LIMS1: variants seen among roughly 807,000 people sequenced by gnomAD.
The protein encoded by LIMS1 is LIM zinc finger domain containing 1.
Under a neutral mutation model 44.1 loss-of-function variants are expected in LIMS1, and 18 were observed. The observed-to-expected ratio is 0.41, with a 90% CI of 0.28 to 0.61. The LOEUF is 0.61. Ranked by LOEUF, LIMS1 falls within the 20% of genes least tolerant of loss-of-function variation. The probability of loss-of-function intolerance (pLI) is 0.32; values close to 1 mark genes in which losing one functional copy is unlikely to be tolerated. For missense variants in LIMS1, 201 were observed against 422.0 expected (o/e 0.48, Z 4.59); for synonymous variants, 93 against 149.1 (o/e 0.62, Z 2.74).
At chr2:108,584,629 C>G (rs577088979) in intron 1 of LIMS1, among the ~76,000 whole-genome samples, 30 of 152,086 alleles carry the variant, frequency 2.0e-4, no homozygotes, top group Non-Finnish European at 3.4e-4. Flanking sequence ...TAACGGGATC[C>G]CTGAGGAGGA....
intron 1 of LIMS1, among the ~76,000 whole-genome samples, chr2:108,564,806 A>G (rs945169492): frequency 1.3e-5 from 2 of 152,018 alleles, no homozygotes; most frequent in Non-Finnish European, 2.9e-5. Flanking sequence ...GGGTTGTCAA[A>G]GAGGGAAAGA....
intron 1 of LIMS1, among the ~76,000 whole-genome samples, chr2:108,553,053 C>A (rs1015751786): frequency 6.6e-6 from 1 of 152,172 alleles, no homozygotes; most frequent in Non-Finnish European, 1.5e-5. Context: ...CATGAGAAAT[C>A]ACTGTGGACA....
chr2:108,626,324 G>A (rs1453908094), intron 1 of LIMS1, among the ~76,000 whole-genome samples: 2 of 152,124 alleles, frequency 1.3e-5, no homozygotes, highest in African/African-American at 2.4e-5. Flanking sequence ...GGTTCAGTGA[G>A]GGTACATTTA....
chr2:108,540,433 T>C (rs1684280885), intron 1 of LIMS1, among the ~76,000 whole-genome samples: 1 of 152,060 alleles, frequency 6.6e-6, no homozygotes, highest in Admixed American at 6.6e-5. Context: ...CTCCTGACCT[T>C]GTGATCTGCC....
intron 1 of LIMS1, among the ~76,000 whole-genome samples, chr2:108,573,171 T>C (rs1321722785): frequency 2.0e-5 from 3 of 152,258 alleles, no homozygotes; most frequent in African/African-American, 4.8e-5. Flanking sequence ...CTATGTCACA[T>C]TGGTAAGTTT....
intron 1 of LIMS1, among the ~76,000 whole-genome samples, chr2:108,617,076 C>T (rs1235264932): frequency 6.6e-6 from 1 of 152,142 alleles, no homozygotes; most frequent in Non-Finnish European, 1.5e-5. Flanking sequence ...TGTACAGCTG[C>T]TCAACCAGTT....
intron 1 of LIMS1, among the ~76,000 whole-genome samples, chr2:108,619,333 C>G (rs1688104967): frequency 6.6e-6 from 1 of 150,934 alleles, no homozygotes; most frequent in Non-Finnish European, 1.5e-5. Context: ...TGGGGGAAAA[C>G]AAGGAAGATT....
exon 10 of LIMS1, chr2:108,686,445 C>T (rs1693309254): frequency 6.6e-6 from 1 of 151,670 alleles, no homozygotes; most frequent in South Asian, 2.1e-4. Flanking sequence ...ATCATTGGAG[C>T]CCTTAGGTAT....
chr2:108,643,755 T>C (rs1689871299), intron 1 of LIMS1, among the ~76,000 whole-genome samples: 1 of 152,158 alleles, frequency 6.6e-6, no homozygotes, highest in Admixed American at 6.5e-5. Flanking sequence ...CCAAACAAGC[T>C]AAGATCCACT....
chr2:108,544,552 A>G (rs1003970352), intron 1 of LIMS1, among the ~76,000 whole-genome samples: 3 of 152,130 alleles, frequency 2.0e-5, no homozygotes, highest in African/African-American at 7.2e-5. Flanking sequence ...GCTGGAGTAC[A>G]CTGGTGCTCT....
At chr2:108,577,082 T>C (rs997463374) in intron 1 of LIMS1, among the ~76,000 whole-genome samples, 4 of 152,206 alleles carry the variant, frequency 2.6e-5, no homozygotes, top group Non-Finnish European at 4.4e-5. Context: ...GAACTGTGAG[T>C]GCACTCAACA....
intron 1 of LIMS1, among the ~76,000 whole-genome samples, chr2:108,535,021 A>G (rs1009875600): frequency 3.9e-5 from 6 of 152,238 alleles, no homozygotes; most frequent in African/African-American, 9.6e-5. Context: ...TGAAGTTACT[A>G]TTAACTCATT....
chr2:108,559,142 C>T (rs1195467189), intron 1 of LIMS1, among the ~76,000 whole-genome samples: 1 of 152,126 alleles, frequency 6.6e-6, no homozygotes, highest in African/African-American at 2.4e-5. Flanking sequence ...AATTTATATA[C>T]CCTTAGACAC....
At chr2:108,567,471 A>G (rs1332579348) in intron 1 of LIMS1, among the ~76,000 whole-genome samples, 1 of 152,226 alleles carries the variant, frequency 6.6e-6, no homozygotes, top group Non-Finnish European at 1.5e-5. Flanking sequence ...AAATTTGTAA[A>G]GTATATGATC....
At chr2:108,683,932 A>G in exon 10 of LIMS1, 2 of 1,605,298 alleles carry the variant, frequency 1.2e-6, no homozygotes, top group Non-Finnish European at 1.7e-6. Flanking sequence ...AAGAAGTGCT[A>G]TGAGAAATTT....
At chr2:108,662,180 A>G (rs759859917) in intron 2 of LIMS1, 2 of 1,611,986 alleles carry the variant, frequency 1.2e-6, no homozygotes, top group Non-Finnish European at 1.7e-6. Flanking sequence ...AGCACCCTGT[A>G]GCTCCAGCCC....
chr2:108,555,740 G>A (rs963631489), intron 1 of LIMS1, among the ~76,000 whole-genome samples: 24 of 152,246 alleles, frequency 1.6e-4, no homozygotes, highest in African/African-American at 2.4e-5. Flanking sequence ...GCTGTCCTGA[G>A]GGAAGGCAGG....
chr2:108,637,095 A>ATGTG lies in LIMS1; in HGVS notation c.33-22509_33-22508insGTGT, dbSNP rs1491274223. ...CCTTTTTAAATTCAGCAAAATATACATATATGTGTGTGTGTGTGTGTGTGT... is the reference window on the plus strand; with the variant it reads ...CCTTTTTAAATTCAGCAAAATATACATGTGTATATGTGTGTGTGTGTGTGTGTGT... On this transcript the variant is annotated intron_variant, in intron 1 of 9. Transcript: ENST00000544547. Among the ~76,000 whole-genome samples, 109 of 81,502 alleles carry ATGTG rather than the reference A, an allele frequency of 1.3e-3. 2 individuals carry two copies. Among genetic ancestry groups the ATGTG allele is most frequent in the Non-Finnish European group, 4.5e-4 (18 of 39,846 alleles). 53.5% of individuals were successfully genotyped at this position (81,502 alleles called of 152,430 possible). A position where few individuals can be genotyped will look rare whatever the true frequency, so the allele number is the denominator to read the frequency against.
chr2:108,567,589 T>G (rs188715810), intron 1 of LIMS1, among the ~76,000 whole-genome samples: 15 of 152,318 alleles, frequency 9.8e-5, no homozygotes, highest in African/African-American at 3.6e-4. Flanking sequence ...TTTTGTTTTT[T>G]GAGATGGAGT....
Sources: gnomAD v4.1 joint callset for allele counts (sites outside exome capture counted in the v4.1 genomes callset) on GRCh38, gnomAD v4.1.1 for gene constraint, MANE v1.5 for transcripts, NCBI Gene and HGNC (gene_info 2026-07-23, HGNC 2026-07-21) for gene names.